Variants in PEBP4 observed in about 807,000 individuals in gnomAD.
The protein encoded by PEBP4 is phosphatidylethanolamine binding protein 4.
In PEBP4, 22 loss-of-function variants were observed where a neutral mutation model predicts 23.9. The observed-to-expected ratio is 0.92, with a 90% CI of 0.66 to 1.31. The LOEUF (loss-of-function observed/expected upper bound fraction) is 1.31, where lower values mean the gene tolerates loss of function less well. Among genes scored for constraint, PEBP4 ranks in the 40% most tolerant of loss-of-function variants. PEBP4 has a pLI of 0.00. For synonymous variants in PEBP4, 112 were observed against 99.3 expected, an observed-to-expected ratio of 1.13 and a Z score of -0.76; for missense variants, 324 against 281.7, an observed-to-expected ratio of 1.15 and a Z score of -1.07.
rs896496296 is a variant in PEBP4, at chr8:22,847,102, C to T, written c.259-29367G>A. Among the ~76,000 whole-genome samples the T allele has an allele frequency of 3.3e-5, 5 of 152,318 alleles. No homozygotes were observed. The East Asian group carries it at 9.7e-4, about 29-fold the overall frequency. ...TGATGTGCATGTCCAATCCACACCCCCAAAACAAGTCATTTTTCTTTACGT... is the reference window on the plus strand; with the variant it reads ...TGATGTGCATGTCCAATCCACACCCTCAAAACAAGTCATTTTTCTTTACGT... On this transcript the variant is annotated intron_variant, in intron 3 of 6. Transcript: ENST00000256404.
chr8:22,907,136 C>T (rs1261587744), intron 3 of PEBP4, among the ~76,000 whole-genome samples: 1 of 152,044 alleles, frequency 6.6e-6, no homozygotes. Context: ...AGTGCAAAGG[C>T]CCTATAAAGC....
chr8:22,749,318 G>A (rs1368559219), intron 4 of PEBP4, among the ~76,000 whole-genome samples: 1 of 152,180 alleles, frequency 6.6e-6, no homozygotes, highest in Non-Finnish European at 1.5e-5. Flanking sequence ...ACGTGTCTCT[G>A]TAGACCTCTC....
In PEBP4 at chr8:22,784,471, C is replaced by A. The variant is rs148100518; in HGVS notation, c.357+33166G>T. Among the ~76,000 whole-genome samples the A allele has an allele frequency of 2.0e-5, 3 of 152,364 alleles. No individual in the cohort carries two copies. In the East Asian group the frequency reaches 5.8e-4, roughly 29 times the overall value. On this transcript the variant is annotated intron_variant, in intron 4 of 6. Transcript: ENST00000256404. The stretch of plus-strand genomic sequence containing the variant: ...AACTGAGGCAATGGAGTAGCTGAGA[C>A]AGGCCTCCTAGCCTTGAATTCTGGC...
chr8:22,887,118 A>ATG (rs200841624), intron 3 of PEBP4: 21,234 of 124,134 alleles, frequency 0.17, 1,565 homozygotes, highest in East Asian at 0.26. Flanking sequence ...GTGTGTGTGT[A>ATG]TGTGTGTGTG....
rs554894389 is a variant in PEBP4 at position 22,904,228 on chromosome 8, AG to A, written c.258+15955del. On this transcript the variant is annotated intron_variant, in intron 3 of 6. Transcript: ENST00000256404. ...GCAGCTTGTGCCTCAGTACCTGCTG[AG>A]GGACCCCAGGGCTCTCCGTACCTGG... Among the ~76,000 whole-genome samples, 10 of 152,258 alleles carry A rather than the reference AG, an allele frequency of 6.6e-5. No individual in the cohort carries two copies. The South Asian group carries it at 2.1e-3, about 32-fold the overall frequency.
chr8:22,778,424 G>T (rs1389265025), intron 4 of PEBP4, among the ~76,000 whole-genome samples: 1 of 147,118 alleles, frequency 6.8e-6, no homozygotes, highest in Non-Finnish European at 1.5e-5. Flanking sequence ...CGCTCTTGTT[G>T]CCCCGGCTGG....
intron 3 of PEBP4, among the ~76,000 whole-genome samples, chr8:22,902,540 T>C (rs573675593): frequency 1.3e-5 from 2 of 152,168 alleles, no homozygotes; most frequent in African/African-American, 4.8e-5. Flanking sequence ...TGATGCCTGG[T>C]TAGCCTCTCC....
At chr8:22,751,519 T>C (rs1391770376) in intron 4 of PEBP4, among the ~76,000 whole-genome samples, 3 of 151,952 alleles carry the variant, frequency 2.0e-5, no homozygotes, top group African/African-American at 7.2e-5. Context: ...CGGTGGTAGA[T>C]AGAGAGGCCC....
intron 1 of PEBP4, among the ~76,000 whole-genome samples, chr8:22,939,080 G>T (rs1441127574): frequency 6.6e-6 from 1 of 152,166 alleles, no homozygotes; most frequent in Non-Finnish European, 1.5e-5. Flanking sequence ...GTCTTGAAAT[G>T]TAAAAGTATA....
chr8:22,824,433 A>G (rs1806925117), intron 3 of PEBP4, among the ~76,000 whole-genome samples: 1 of 152,060 alleles, frequency 6.6e-6, no homozygotes, highest in African/African-American at 2.4e-5. Context: ...ATTCTTTAGG[A>G]CAGCGCTCCC....
At chr8:22,899,492 G>T (rs1045680532) in intron 3 of PEBP4, among the ~76,000 whole-genome samples, 1 of 152,236 alleles carries the variant, frequency 6.6e-6, no homozygotes, top group African/African-American at 2.4e-5. Context: ...AAAGAAGTGT[G>T]TTGGTTAGCA....
At chr8:22,734,861 G>C (rs1804824000) in intron 4 of PEBP4, among the ~76,000 whole-genome samples, 1 of 152,200 alleles carries the variant, frequency 6.6e-6, no homozygotes, top group Admixed American at 6.5e-5. Context: ...TAGGAGTAAG[G>C]AGTTTACCCA....
chr8:22,879,177 A>G (rs1373405016), intron 3 of PEBP4: 1 of 152,244 alleles, frequency 6.6e-6, no homozygotes, highest in East Asian at 1.9e-4. Context: ...GGTTTAACTG[A>G]TCTGTGTGAG....
At chr8:22,746,953 G>GT (rs1805134137) in intron 4 of PEBP4, among the ~76,000 whole-genome samples, 1 of 152,152 alleles carries the variant, frequency 6.6e-6, no homozygotes, top group African/African-American at 2.4e-5. Context: ...AGCCTCCCAA[G>GT]CAGCTGGGAC....
intron 4 of PEBP4, among the ~76,000 whole-genome samples, chr8:22,738,197 A>T (rs1187920273): frequency 1.3e-5 from 2 of 152,132 alleles, no homozygotes; most frequent in African/African-American, 4.8e-5. Flanking sequence ...AATAGCTCCT[A>T]ATGACACCAT....
intron 4 of PEBP4, among the ~76,000 whole-genome samples, chr8:22,810,701 TGTGTGTGTGTGTGAGA>T (rs1481361413): frequency 2.8e-5 from 4 of 144,958 alleles, no homozygotes; most frequent in African/African-American, 1.0e-4. Context: ...TGTGTGTGTG[TGTGTGTGTGTGTGAGA>T]GAGAGAGAGA....
At chr8:22,838,220 C>A (rs944163662) in intron 3 of PEBP4, among the ~76,000 whole-genome samples, 2 of 152,174 alleles carry the variant, frequency 1.3e-5, no homozygotes, top group African/African-American at 4.8e-5. Context: ...ATATTCCTGA[C>A]AGAAGAACTA....
At chr8:22,883,905 A>C (rs1439094620) in intron 3 of PEBP4, 1 of 152,194 alleles carries the variant, frequency 6.6e-6, no homozygotes, top group Non-Finnish European at 1.5e-5. Flanking sequence ...GGGATACAAA[A>C]AAAAGGGGGG....
At chr8:22,822,148 T>C (rs1485189229) in intron 3 of PEBP4, among the ~76,000 whole-genome samples, 1 of 152,052 alleles carries the variant, frequency 6.6e-6, no homozygotes, top group Admixed American at 6.6e-5. Flanking sequence ...GTTGTGACAA[T>C]GAGGGGATTA....
Sources: gnomAD v4.1 joint callset for allele counts (sites outside exome capture counted in the v4.1 genomes callset) on GRCh38, gnomAD v4.1.1 for gene constraint, MANE v1.5 for transcripts, NCBI Gene and HGNC (gene_info 2026-07-23, HGNC 2026-07-21) for gene names.